SPSB4: variants seen among roughly 807,000 people sequenced by gnomAD.
SPSB4 encodes the protein splA/ryanodine receptor domain and SOCS box containing 4, also known as SPRY domain-containing SOCS box protein 4.
SPSB4 carries 21 observed loss-of-function variants against 20.9 expected under a neutral mutation model. The ratio of observed to expected loss-of-function variants is 1.01; its 90% CI spans 0.71 to 1.45. The LOEUF (loss-of-function observed/expected upper bound fraction) is 1.45. Ranked by LOEUF, SPSB4 falls within the 40% of genes most tolerant of loss-of-function variation. The probability of loss-of-function intolerance (pLI) is 0.00; values close to 1 mark genes in which losing one functional copy is unlikely to be tolerated. For synonymous variants in SPSB4, 207 were observed against 183.8 expected, an observed-to-expected ratio of 1.13 and a Z score of -1.02; for missense variants, 399 against 399.2, an observed-to-expected ratio of 1.00 and a Z score of 0.00.
At chr3:141,099,892 G>A (rs1238386120) in intron 2 of SPSB4, among the ~76,000 whole-genome samples, 3 of 152,204 alleles carry the variant, frequency 2.0e-5, no homozygotes, top group East Asian at 3.9e-4. Flanking sequence ...ATTAGGGACT[G>A]TTATAAACCA....
chr3:141,142,263 G>T (rs967443559), intron 2 of SPSB4, among the ~76,000 whole-genome samples: 1 of 152,182 alleles, frequency 6.6e-6, no homozygotes, highest in Non-Finnish European at 1.5e-5. Flanking sequence ...TCCATTCAAA[G>T]AAATTTTACA....
intron 2 of SPSB4, among the ~76,000 whole-genome samples, chr3:141,120,299 G>A (rs62283598): frequency 0.15 from 22,726 of 152,132 alleles, 2,248 homozygotes; most frequent in African/African-American, 0.27. Context: ...TGTGATTTCT[G>A]TTCTTTTGCA....
intron 2 of SPSB4, among the ~76,000 whole-genome samples, chr3:141,145,066 T>C (rs1227645070): frequency 6.6e-6 from 1 of 152,128 alleles, no homozygotes; most frequent in Non-Finnish European, 1.5e-5. Context: ...ATCAGCCTTC[T>C]GCACCTGGAA....
chr3:141,146,504 C>T (rs1300108468), intron 2 of SPSB4, among the ~76,000 whole-genome samples: 2 of 152,094 alleles, frequency 1.3e-5, no homozygotes, highest in East Asian at 1.9e-4. Context: ...AGGCCGGGCG[C>T]GGTGGCTCAC....
At chr3:141,088,148 T>C (rs1351863313) in intron 2 of SPSB4, among the ~76,000 whole-genome samples, 4 of 152,136 alleles carry the variant, frequency 2.6e-5, no homozygotes, top group Admixed American at 6.5e-5. Flanking sequence ...CTCTTGGAAA[T>C]GGACCCAGGA....
rs775433419 is a variant in SPSB4, at chr3:141,066,677, C to T, written c.573C>T (p.Ile191=). Residue 191 remains isoleucine (I), a synonymous_variant, in exon 2 of 3, where the codon ATC becomes ATT. Coordinates refer to ENST00000310546, the MANE Select transcript of SPSB4 (RefSeq NM_080862.3). ...LDMDEGTLSF[I]VDGQYLGVAF... is the part of the protein sequence containing the mutation. ...TGGATGAGGGCACACTCAGCTTCAT[C>T]GTGGATGGCCAGTACCTGGGCGTGG... 6.2e-7 allele frequency: 1 copy of T among 1,613,408 alleles called. No homozygotes were observed. Among genetic ancestry groups the T allele is most frequent in the Non-Finnish European group, 8.5e-7 (1 of 1,179,828 alleles).
At position 141,087,383 on chromosome 3, in the gene SPSB4, G is replaced by A. The variant is rs531717551; in HGVS notation, c.694+20585G>A. On this transcript the variant is annotated intron_variant, in intron 2 of 2. Transcript: ENST00000310546. The stretch of plus-strand genomic sequence containing the variant: ...AGGATTCTCCTTTAGTGAAGTGGTA[G>A]GAAGCACCAGGGGGCCTTGGACAGA... Among the ~76,000 whole-genome samples the A allele has an allele frequency of 9.1e-4, 138 of 152,316 alleles. 2 individuals are homozygous for A. The highest frequency in any genetic ancestry group is 1.5e-3 in the Non-Finnish European group (105 of 68,024).
At chr3:141,099,417 A>G (rs954373198) in intron 2 of SPSB4, among the ~76,000 whole-genome samples, 7 of 152,218 alleles carry the variant, frequency 4.6e-5, no homozygotes, top group African/African-American at 1.7e-4. Context: ...CCATAATCCA[A>G]TTAATGTCCT....
At chr3:141,139,552 A>G (rs1056818427) in intron 2 of SPSB4, among the ~76,000 whole-genome samples, 2 of 152,110 alleles carry the variant, frequency 1.3e-5, no homozygotes, top group African/African-American at 2.4e-5. Flanking sequence ...ATCTCTCAGC[A>G]TTTGCTTGTC....
At chr3:141,088,136 C>G (rs1344092118) in intron 2 of SPSB4, among the ~76,000 whole-genome samples, 3 of 152,134 alleles carry the variant, frequency 2.0e-5, no homozygotes, top group Non-Finnish European at 4.4e-5. Flanking sequence ...TCCCCCAGGG[C>G]TCTCTTGGAA....
intron 1 of SPSB4, among the ~76,000 whole-genome samples, chr3:141,053,710 G>A (rs868660007): frequency 3.3e-5 from 5 of 151,726 alleles, no homozygotes; most frequent in Non-Finnish European, 7.4e-5. Context: ...ACCTCAATAC[G>A]AAAAATGCAA....
At chr3:141,086,335 A>T (rs930360336) in intron 2 of SPSB4, among the ~76,000 whole-genome samples, 6 of 152,166 alleles carry the variant, frequency 3.9e-5, no homozygotes, top group Admixed American at 3.9e-4. Flanking sequence ...TGCAGAGTTT[A>T]TGTTCAAACT....
intron 2 of SPSB4, among the ~76,000 whole-genome samples, chr3:141,104,643 T>C (rs1408480199): frequency 6.6e-6 from 1 of 152,176 alleles, no homozygotes; most frequent in Non-Finnish European, 1.5e-5. Context: ...GGCAGTGGTG[T>C]CTGCAGACTT....
chr3:141,134,105 G>T (rs1576542447), intron 2 of SPSB4, among the ~76,000 whole-genome samples: 1 of 48,032 alleles, frequency 2.1e-5, no homozygotes, highest in African/African-American at 8.1e-5. Context: ...TTGAGTTCTT[G>T]ATTTGATTCT....
At chr3:141,080,786 G>A (rs1938215705) in intron 2 of SPSB4, among the ~76,000 whole-genome samples, 1 of 152,218 alleles carries the variant, frequency 6.6e-6, no homozygotes, top group South Asian at 2.1e-4. Flanking sequence ...AAGGTGTTCT[G>A]CCACAGTGGA....
chr3:141,106,159 G>A (rs1422500427), intron 2 of SPSB4, among the ~76,000 whole-genome samples: 1 of 152,178 alleles, frequency 6.6e-6, no homozygotes, highest in Non-Finnish European at 1.5e-5. Context: ...TGCAGCTCCT[G>A]TGTGGGCTGG....
At chr3:141,098,499 C>T (rs528479052) in intron 2 of SPSB4, among the ~76,000 whole-genome samples, 9 of 151,972 alleles carry the variant, frequency 5.9e-5, no homozygotes, top group African/African-American at 1.7e-4. Context: ...ATTCTTGTCA[C>T]GTTTATCCCT....
chr3:141,055,187 AGGGCAGAG>A (rs1299307733), intron 1 of SPSB4, among the ~76,000 whole-genome samples: 1 of 152,010 alleles, frequency 6.6e-6, no homozygotes, highest in Non-Finnish European at 1.5e-5. Flanking sequence ...AGTGGGTTGG[AGGGCAGAG>A]GGTGCAGTGG....
intron 2 of SPSB4, among the ~76,000 whole-genome samples, chr3:141,095,053 G>A (rs1418153662): frequency 6.6e-6 from 1 of 152,124 alleles, no homozygotes; most frequent in Non-Finnish European, 1.5e-5. Context: ...ACTGGCTGGC[G>A]GTGTATTCTG....
Sources: gnomAD v4.1 joint callset for allele counts (sites outside exome capture counted in the v4.1 genomes callset) on GRCh38, gnomAD v4.1.1 for gene constraint, MANE v1.5 for transcripts, NCBI Gene and HGNC (gene_info 2026-07-23, HGNC 2026-07-21) for gene names.